DLG1: variants seen among roughly 807,000 people sequenced by gnomAD.
DLG1 encodes discs large MAGUK scaffold protein 1.
DLG1 carries 42 observed loss-of-function variants against 123.4 expected under a neutral mutation model. The ratio of observed to expected loss-of-function variants is 0.34; its 90% confidence interval spans 0.27 to 0.44. The LOEUF is 0.44. DLG1 is among the 20% of genes least tolerant of loss of function. The pLI is 1.00. For synonymous variants in DLG1, 317 were observed against 356.2 expected (o/e 0.89, Z 1.24); for missense variants, 942 against 1,082.6 (o/e 0.87, Z 1.82).
rs145094528 is a variant in DLG1 at position 197,132,428 on chromosome 3, A to G, written c.1021-1757T>C. ...TTATAGTTGACTATTGCAGTTTTTA[A>G]TATTTTCACAAAAAAATGTAAAGGT... is the stretch of plus-strand genomic sequence containing the variant. On this transcript the variant is annotated intron_variant, in intron 10 of 24. Transcript: ENST00000667157. 5.4e-3 allele frequency among the ~76,000 whole-genome samples: 825 copies of G among 152,208 alleles called. 7 individuals carry two copies. Among genetic ancestry groups the G allele is most frequent in the African/African-American group, 0.019 (791 of 41,524 alleles).
chr3:197,259,334 T>G (rs550393434), intron 4 of DLG1, among the ~76,000 whole-genome samples: 1 of 152,214 alleles, frequency 6.6e-6, no homozygotes, highest in Non-Finnish European at 1.5e-5. Flanking sequence ...GATCAGAAAC[T>G]ACTGTTTGAA....
intron 24 of DLG1, among the ~76,000 whole-genome samples, chr3:197,048,496 A>G (rs755735026): frequency 2.6e-5 from 4 of 152,100 alleles, no homozygotes; most frequent in Non-Finnish European, 5.9e-5. Flanking sequence ...CCATAATGAA[A>G]TATCACCTTA....
At chr3:197,246,091 C>A (rs1250488167) in intron 4 of DLG1, among the ~76,000 whole-genome samples, 1 of 152,136 alleles carries the variant, frequency 6.6e-6, no homozygotes, top group Non-Finnish European at 1.5e-5. Context: ...TGTTCTAAGG[C>A]TTGATTTATT....
chr3:197,200,878 A>G (rs544285360), intron 4 of DLG1, among the ~76,000 whole-genome samples: 31 of 152,320 alleles, frequency 2.0e-4, no homozygotes, highest in Admixed American at 1.8e-3. Context: ...AGTCAACATT[A>G]TAGTTAATGG....
intron 5 of DLG1, among the ~76,000 whole-genome samples, chr3:197,173,369 A>G (rs1805271457): frequency 6.6e-6 from 1 of 152,308 alleles, no homozygotes; most frequent in South Asian, 2.1e-4. Flanking sequence ...TGTCTCATTT[A>G]ATTCTCATTA....
At chr3:197,194,650 G>A (rs2150260015) in intron 4 of DLG1, 61 bp from the exon 5 acceptor site, 6 of 1,260,226 alleles carry the variant, frequency 4.8e-6, no homozygotes, top group East Asian at 5.1e-5. Context: ...TTCAAATCAT[G>A]GTTTTCATAA....
At chr3:197,158,681 G>T (rs1341756864) in intron 5 of DLG1, among the ~76,000 whole-genome samples, 1 of 58,758 alleles carries the variant, frequency 1.7e-5, no homozygotes. Flanking sequence ...ATGATGCTCT[G>T]CTCTGGACAT....
intron 24 of DLG1, among the ~76,000 whole-genome samples, chr3:197,051,236 G>A (rs1727423897): frequency 6.6e-6 from 1 of 152,086 alleles, no homozygotes; most frequent in African/African-American, 2.4e-5. Context: ...AGCTGGGCGT[G>A]GTGGCAGGTG....
At chr3:197,057,742 T>A (rs1304440079) in intron 23 of DLG1, among the ~76,000 whole-genome samples, 1 of 152,226 alleles carries the variant, frequency 6.6e-6, no homozygotes, top group East Asian at 1.9e-4. Flanking sequence ...CCTGTCAGGC[T>A]GCCTCTGTTG....
upstream of DLG1, chr3:197,299,076 C>G (rs577624613): frequency 6.6e-6 from 1 of 152,482 alleles, no homozygotes; most frequent in African/African-American, 2.4e-5. Flanking sequence ...CTGAGCCGCC[C>G]TCGGCCAGCG....
chr3:197,055,283 T>C (rs929371866), intron 23 of DLG1, among the ~76,000 whole-genome samples: 1 of 152,238 alleles, frequency 6.6e-6, no homozygotes, highest in Non-Finnish European at 1.5e-5. Flanking sequence ...CCATGTCTTT[T>C]AGCTCATTTA....
intron 4 of DLG1, among the ~76,000 whole-genome samples, chr3:197,222,152 G>C (rs1323703009): frequency 1.3e-5 from 2 of 152,146 alleles, no homozygotes; most frequent in African/African-American, 4.8e-5. Context: ...CCATGGATAC[G>C]AACAGCTGAC....
At chr3:197,131,784 G>A (rs1054071735) in intron 10 of DLG1, among the ~76,000 whole-genome samples, 6 of 150,616 alleles carry the variant, frequency 4.0e-5, no homozygotes, top group African/African-American at 1.2e-4. Context: ...TAGTAGAGAC[G>A]GGGTTTCACC....
chr3:197,094,720 C>T (rs1488120950), intron 14 of DLG1, among the ~76,000 whole-genome samples: 1 of 152,090 alleles, frequency 6.6e-6, no homozygotes, highest in Non-Finnish European at 1.5e-5. Context: ...TTCTCTCACC[C>T]CAGGAAGTGT....
intron 24 of DLG1, among the ~76,000 whole-genome samples, chr3:197,049,883 C>A (rs930135549): frequency 6.6e-6 from 1 of 151,902 alleles, no homozygotes; most frequent in Non-Finnish European, 1.5e-5. Flanking sequence ...GGCAACATAG[C>A]GAGACCCTGT....
chr3:197,260,299 T>C (rs1196286128), intron 4 of DLG1: 1 of 437,996 alleles, frequency 2.3e-6, no homozygotes, highest in Non-Finnish European at 4.6e-6. Flanking sequence ...TACTCTACCA[T>C]TACAATATTT....
At chr3:197,120,273 G>GAAAAAAAAAAAAAAAAAAAAA (rs3050713) in intron 11 of DLG1, among the ~76,000 whole-genome samples, 1 of 127,600 alleles carries the variant, frequency 7.8e-6, no homozygotes, top group African/African-American at 2.9e-5. Flanking sequence ...TCTCGAGAAA[G>GAAAAAAAAAAAAAAAAAAAAA]AAAAAAAAAA....
rs1257497278 is a variant in DLG1 at position 197,282,667 on chromosome 3, T to G, written c.318+12A>C. On this transcript the variant is annotated intron_variant, in intron 4 of 24. Coordinates refer to ENST00000667157, the MANE Select transcript of DLG1 (RefSeq NM_001366207.1). Reference sequence around the variant, plus strand: ...ACCAAAAAACAGCTTCAGAACACATTTTTTATCTCACCTCTACACTAGGGC... The same window carrying G: ...ACCAAAAAACAGCTTCAGAACACATGTTTTATCTCACCTCTACACTAGGGC... 6.6e-7 allele frequency: 1 copy of G among 1,506,660 alleles called. No homozygotes were observed. Among genetic ancestry groups the G allele is most frequent in the Non-Finnish European group, 8.8e-7 (1 of 1,131,530 alleles). The allele number at this position is 1,506,660 out of a possible 1,614,324, so 93.3% of individuals were successfully genotyped here.
At chr3:197,079,969 T>C (rs1749814033) in intron 17 of DLG1, among the ~76,000 whole-genome samples, 1 of 151,978 alleles carries the variant, frequency 6.6e-6, no homozygotes, top group Non-Finnish European at 1.5e-5. Flanking sequence ...TTTCAAATAT[T>C]ATCAGAAGAC....
Sources: allele counts gnomAD v4.1 joint callset (sites outside exome capture counted in the v4.1 genomes callset), GRCh38; gene constraint gnomAD v4.1.1; transcripts MANE v1.5; gene names NCBI Gene and HGNC (gene_info 2026-07-23, HGNC 2026-07-21).